NANOS3: variants seen among roughly 807,000 people sequenced by gnomAD.
The protein encoded by NANOS3 is nanos C2HC-type zinc finger 3, also known as nanos homolog 3.
Under a neutral mutation model 13.8 loss-of-function variants are expected in NANOS3, and 11 were observed. The observed-to-expected ratio is 0.80, with a 90% CI of 0.50 to 1.32. The LOEUF (loss-of-function observed/expected upper bound fraction) is 1.32, where lower values mean the gene tolerates loss of function less well. NANOS3 is among the 40% of genes most tolerant of loss of function. The probability of loss-of-function intolerance (pLI) is 0.00; values close to 1 mark genes in which losing one functional copy is unlikely to be tolerated. For synonymous variants in NANOS3, 119 were observed against 115.4 expected, an observed-to-expected ratio of 1.03 and a Z score of -0.20; for missense variants, 221 against 263.8, an observed-to-expected ratio of 0.84 and a Z score of 1.12.
At chr19:13,879,727 T>TAA (rs60370043) in intron 1 of NANOS3, among the ~76,000 whole-genome samples, 4 of 141,150 alleles carry the variant, frequency 2.8e-5, no homozygotes, top group Non-Finnish European at 6.3e-5. Flanking sequence ...GACCTCGTCT[T>TAA]AAAAAAAAAA....
chr19:13,874,417 G>C (rs115955625), upstream of NANOS3, among the ~76,000 whole-genome samples: 1,077 of 152,246 alleles, frequency 7.1e-3, 18 homozygotes, highest in African/African-American at 0.025. Flanking sequence ...GTTGACAAAG[G>C]GGGGTAATCT....
chr19:13,867,189 C>T (rs1296702147), intron 1 of NANOS3, among the ~76,000 whole-genome samples: 2 of 152,260 alleles, frequency 1.3e-5, no homozygotes, highest in East Asian at 3.9e-4. Context: ...GATCCGCTGG[C>T]TTCAGCCTCC....
chr19:13,863,946 A>G (rs1438367899), upstream of NANOS3, among the ~76,000 whole-genome samples: 6 of 152,196 alleles, frequency 3.9e-5, no homozygotes, highest in East Asian at 9.7e-4. Flanking sequence ...CCATGGCCCC[A>G]TAAGGGTTAA....
At chr19:13,868,217 C>T (rs1363311458) in intron 1 of NANOS3, among the ~76,000 whole-genome samples, 1 of 151,878 alleles carries the variant, frequency 6.6e-6, no homozygotes, top group Non-Finnish European at 1.5e-5. Context: ...CGCTACCATG[C>T]CTGGCTAATT....
upstream of NANOS3, chr19:13,874,687 G>A (rs371719335): frequency 5.7e-6 from 3 of 527,686 alleles, no homozygotes; most frequent in South Asian, 1.4e-5. Flanking sequence ...CCCCACCCCC[G>A]ACTCCAGGTC....
At chr19:13,864,653 G>A (rs1172517423), upstream of NANOS3, among the ~76,000 whole-genome samples, 1 of 152,032 alleles carries the variant, frequency 6.6e-6, no homozygotes, top group Non-Finnish European at 1.5e-5. Context: ...TCAGGTCTGT[G>A]GATACCCCAG....
At chr19:13,880,373 C>A in intron 1 of NANOS3, 69 bp from the exon 2 acceptor site, 2 of 1,473,066 alleles carry the variant, frequency 1.4e-6, no homozygotes, top group Non-Finnish European at 1.9e-6. Context: ...AGGCCGAGTC[C>A]GTGGGCAACT....
intron 1 of NANOS3, among the ~76,000 whole-genome samples, chr19:13,879,186 G>A (rs914058002): frequency 1.3e-5 from 2 of 151,610 alleles, no homozygotes; most frequent in Admixed American, 6.6e-5. Context: ...AGATCCACCC[G>A]CCTTAGCCTC....
chr19:13,875,657 C>T (rs112495545), upstream of NANOS3, among the ~76,000 whole-genome samples: 2,934 of 151,904 alleles, frequency 0.019, 99 homozygotes, highest in African/African-American at 0.065. Context: ...TTGATCCTCC[C>T]GCCTCAGCCT....
intron 1 of NANOS3, 152 bp from the exon 2 acceptor site, chr19:13,880,290 G>A (rs1163442523): frequency 9.0e-6 from 6 of 663,286 alleles, no homozygotes; most frequent in East Asian, 2.9e-5. Context: ...GCCGCCCGGC[G>A]GAGCCAGAGA....
intron 1 of NANOS3, among the ~76,000 whole-genome samples, chr19:13,871,948 G>GT (rs1976333881): frequency 6.6e-6 from 1 of 152,180 alleles, no homozygotes; most frequent in Non-Finnish European, 1.5e-5. Flanking sequence ...GCAGTGAGCT[G>GT]TGATTGCGCC....
At chr19:13,870,723 A>G (rs1266135167) in intron 1 of NANOS3, among the ~76,000 whole-genome samples, 1 of 151,140 alleles carries the variant, frequency 6.6e-6, no homozygotes, top group Non-Finnish European at 1.5e-5. Context: ...GTGCGCCACC[A>G]TGCCTGGCTA....
At chr19:13,863,393 A>T (rs933617627), upstream of NANOS3, among the ~76,000 whole-genome samples, 1 of 151,330 alleles carries the variant, frequency 6.6e-6, no homozygotes, top group Non-Finnish European at 1.5e-5. Flanking sequence ...TTTTAATTTT[A>T]TTTTTGTAGA....
Position 13,877,186 on chromosome 19 carries a change from G to A in NANOS3, c.-63G>A. 1 of 1,424,808 alleles carries A rather than the reference G, an allele frequency of 7.0e-7. No individual in the cohort carries two copies. The highest frequency in any genetic ancestry group is 1.8e-4 in the Middle Eastern group (1 of 5,564). 88.3% of individuals were successfully genotyped at this position (1,424,808 alleles called of 1,614,324 possible). A position where few individuals can be genotyped will look rare whatever the true frequency, so the allele number is the denominator to read the frequency against. On this transcript the variant is annotated 5_prime_UTR_variant, in exon 1 of 2. Coordinates refer to ENST00000339133, the MANE Select transcript of NANOS3 (RefSeq NM_001098622.3). ...AGCAGAGAGGGGTCAGAAGGAGGGA[G>A]CTTAAGCCAGGCAGGGTTACTTGTC...
At chr19:13,862,902 C>G (rs949675528), upstream of NANOS3, among the ~76,000 whole-genome samples, 1 of 152,236 alleles carries the variant, frequency 6.6e-6, no homozygotes, top group Non-Finnish European at 1.5e-5. Flanking sequence ...GCCTCGGTTG[C>G]CCATCTGTGG....
chr19:13,877,761 A>G lies in NANOS3; in HGVS notation c.513A>G (p.Gly171=), dbSNP rs1968548261. ...GCCACCGCCGAGGAGGAGGAGGAGG[A>G]GCAGGTGCCTGCACAGGTGGCTGGG... The part of the protein sequence containing the change: ...DTGHRRGGGG[G]AGFRGAGKSE... The change falls in exon 1 of 2, where the codon GGA becomes GGG. Residue 171 remains glycine, a synonymous_variant. Transcript: ENST00000339133. 7 of 1,559,580 alleles carry G rather than the reference A, an allele frequency of 4.5e-6. No individual in the cohort carries two copies. Among genetic ancestry groups the G allele is most frequent in the Non-Finnish European group, 5.2e-6 (6 of 1,155,558 alleles).
intron 1 of NANOS3, among the ~76,000 whole-genome samples, chr19:13,866,249 G>A (rs1027584566): frequency 1.3e-4 from 20 of 152,212 alleles, no homozygotes; most frequent in South Asian, 4.1e-4. Flanking sequence ...ACGGCGACCT[G>A]CCCTGGAGGG....
At chr19:13,862,489 C>CG (rs566428008), upstream of NANOS3, among the ~76,000 whole-genome samples, 436 of 151,794 alleles carry the variant, frequency 2.9e-3, 19 homozygotes, top group South Asian at 0.082. Context: ...GGAGAAGAGA[C>CG]GGGGGGAAAG....
rs34524831 is a variant in NANOS3, at chr19:13,870,560, C to CTTTTT, written n.21+5144_21+5148dup. On this transcript the variant is annotated intron_variant and non_coding_transcript_variant, in intron 1 of 2. Coordinates refer to the NANOS3 transcript ENST00000591161. ...GGGGCAAGGCCCTGGGATAGCGTGG[C>CTTTTT]TTTTTTTTTTTTTTTTTTTTTTTTT... is the stretch of plus-strand genomic sequence containing the variant. Among the ~76,000 whole-genome samples, 63 of 71,640 alleles carry CTTTTT rather than the reference C, an allele frequency of 8.8e-4. 1 individual carries two copies. Among genetic ancestry groups the CTTTTT allele is most frequent in the East Asian group, 9.5e-4 (2 of 2,104 alleles). The allele number at this position is 71,640 out of a possible 152,430, so 47.0% of individuals were successfully genotyped here. A position where few individuals can be genotyped will look rare whatever the true frequency, so the allele number is the denominator to read the frequency against.
Sources: allele counts gnomAD v4.1 joint callset (sites outside exome capture counted in the v4.1 genomes callset), GRCh38; gene constraint gnomAD v4.1.1; transcripts MANE v1.5; gene names NCBI Gene and HGNC (gene_info 2026-07-23, HGNC 2026-07-21).